The following TACR1 variants were observed in gnomAD, a reference collection of about 807,000 sequenced individuals.
TACR1 encodes the protein substance-P receptor.
TACR1 carries 25 observed loss-of-function variants against 35.8 expected under a neutral mutation model. That is an observed-to-expected ratio of 0.70 (90% CI 0.51 to 0.98). The LOEUF is 0.98. Among genes scored for constraint, TACR1 ranks in the 50% least tolerant of loss-of-function variants. The probability of loss-of-function intolerance (pLI) is 0.00; values close to 1 mark genes in which losing one functional copy is unlikely to be tolerated. For synonymous variants in TACR1, 195 were observed against 206.7 expected (o/e 0.94, Z 0.48); for missense variants, 478 against 522.9 (o/e 0.91, Z 0.84).
Position 75,094,857 on chromosome 2 carries a change from A to ATTTTTT in TACR1, c.584+25716_584+25717insAAAAAA, listed in dbSNP as rs1414426554. Among the ~76,000 whole-genome samples the ATTTTTT allele has an allele frequency of 4.4e-4, 40 of 91,130 alleles. 1 individual carries two copies. Among genetic ancestry groups the ATTTTTT allele is most frequent in the African/African-American group, 2.4e-3 (39 of 16,208 alleles). The allele number at this position is 91,130 out of a possible 152,430, so 59.8% of individuals were successfully genotyped here. A position where few individuals can be genotyped will look rare whatever the true frequency, so the allele number is the denominator to read the frequency against. On this transcript the variant is annotated intron_variant, in intron 2 of 4. Coordinates refer to ENST00000305249, the MANE Select transcript of TACR1 (RefSeq NM_001058.4). ...CAGAAACATATATATATATATATATATATTTTTTTTTTTTTTGCCCAAGAT... is the reference window on the plus strand; with the variant it reads ...CAGAAACATATATATATATATATATATTTTTTTATTTTTTTTTTTTTTGCCCAAGAT...
chr2:75,099,414 T>G (rs1167762497), intron 2 of TACR1, among the ~76,000 whole-genome samples: 1 of 152,212 alleles, frequency 6.6e-6, no homozygotes, highest in Non-Finnish European at 1.5e-5. Flanking sequence ...GAAACTCACA[T>G]TCACTGAACC....
intron 2 of TACR1, among the ~76,000 whole-genome samples, chr2:75,082,261 T>C (rs1288663784): frequency 6.6e-6 from 1 of 152,220 alleles, no homozygotes; most frequent in African/African-American, 2.4e-5. Flanking sequence ...CATCCTTTTT[T>C]ATGGCTGCAT....
At chr2:75,183,752 T>C (rs181463679) in intron 1 of TACR1, among the ~76,000 whole-genome samples, 5 of 152,354 alleles carry the variant, frequency 3.3e-5, no homozygotes, top group Admixed American at 6.5e-5. Context: ...GCCCTTAAGC[T>C]GAGGGAGTAA....
chr2:75,151,072 C>A (rs1001085551), intron 1 of TACR1, among the ~76,000 whole-genome samples: 1 of 152,148 alleles, frequency 6.6e-6, no homozygotes, highest in South Asian at 2.1e-4. Flanking sequence ...CAAGAGGTGA[C>A]TTGGATGCTG....
At chr2:75,182,048 T>G (rs571174113) in intron 1 of TACR1, among the ~76,000 whole-genome samples, 3 of 152,250 alleles carry the variant, frequency 2.0e-5, no homozygotes, top group Admixed American at 6.5e-5. Flanking sequence ...CCAGGTACTT[T>G]CTAACTTTCT....
At chr2:75,196,957 C>A (rs80333610) in intron 1 of TACR1, among the ~76,000 whole-genome samples, 2 of 152,164 alleles carry the variant, frequency 1.3e-5, no homozygotes, top group African/African-American at 4.8e-5. Context: ...ATGCTATCGA[C>A]TTTTTTAAGT....
At chr2:75,133,135 C>T (rs749301033) in intron 1 of TACR1, among the ~76,000 whole-genome samples, 32 of 152,330 alleles carry the variant, frequency 2.1e-4, no homozygotes, top group Middle Eastern at 3.4e-3. Flanking sequence ...CAAAAGCCAG[C>T]TTCACTGCTG....
At chr2:75,119,000 G>T (rs770422833) in intron 2 of TACR1, 1 of 152,138 alleles carries the variant, frequency 6.6e-6, no homozygotes, top group African/African-American at 2.4e-5. Context: ...TTGCTTGATC[G>T]ATTAAATCCC....
chr2:75,177,570 C>A (rs1675455926), intron 1 of TACR1, among the ~76,000 whole-genome samples: 1 of 152,158 alleles, frequency 6.6e-6, no homozygotes, highest in Non-Finnish European at 1.5e-5. Context: ...TCTTAATACT[C>A]ATCAGGATCT....
At chr2:75,168,964 A>C (rs901423931) in intron 1 of TACR1, among the ~76,000 whole-genome samples, 3 of 152,222 alleles carry the variant, frequency 2.0e-5, no homozygotes, top group Non-Finnish European at 4.4e-5. Context: ...AAAAATACAA[A>C]GAAATATTAG....
At chr2:75,111,292 C>A (rs995202155) in intron 2 of TACR1, among the ~76,000 whole-genome samples, 4 of 151,988 alleles carry the variant, frequency 2.6e-5, no homozygotes, top group African/African-American at 9.7e-5. Flanking sequence ...TACTCCATCC[C>A]AATTTATTTG....
intron 1 of TACR1, among the ~76,000 whole-genome samples, chr2:75,174,455 G>A (rs777752299): frequency 3.9e-5 from 6 of 152,200 alleles, no homozygotes; most frequent in African/African-American, 9.7e-5. Flanking sequence ...ACAAAGTGAT[G>A]ATTTACGTCC....
At chr2:75,051,009 A>G (rs1475054925) in intron 4 of TACR1, 1 of 544,144 alleles carries the variant, frequency 1.8e-6, no homozygotes, top group East Asian at 3.2e-5. Context: ...AAGACTTTGG[A>G]CAATAATATG....
At chr2:75,146,249 AGTAGCTGG>A (rs1180782117) in intron 1 of TACR1, among the ~76,000 whole-genome samples, 2 of 152,068 alleles carry the variant, frequency 1.3e-5, no homozygotes, top group Admixed American at 1.3e-4. Flanking sequence ...CAGCCTCTTG[AGTAGCTGG>A]GATTACAGGC....
chr2:75,113,532 C>CTTTT (rs11437762), intron 2 of TACR1, among the ~76,000 whole-genome samples: 35 of 92,076 alleles, frequency 3.8e-4, no homozygotes, highest in African/African-American at 1.5e-3. Flanking sequence ...TTTCTTCTTC[C>CTTTT]TTTTTTTTTT....
intron 2 of TACR1, among the ~76,000 whole-genome samples, chr2:75,063,539 C>T (rs1273458066): frequency 6.6e-6 from 1 of 152,228 alleles, no homozygotes; most frequent in Non-Finnish European, 1.5e-5. Context: ...CCCAGGACCA[C>T]TTATTGGATA....
At chr2:75,093,735 A>AAT (rs1491019421) in intron 2 of TACR1, among the ~76,000 whole-genome samples, 18 of 152,298 alleles carry the variant, frequency 1.2e-4, no homozygotes, top group African/African-American at 4.1e-4. Context: ...TTTATAAATA[A>AAT]GAATAATATA....
chr2:75,055,499 ATGGCAT>A (rs1245839217), intron 2 of TACR1, among the ~76,000 whole-genome samples: 2 of 152,204 alleles, frequency 1.3e-5, no homozygotes, highest in Non-Finnish European at 2.9e-5. Flanking sequence ...GGTTGCTGTA[ATGGCAT>A]TGCTTGTAAG....
intron 2 of TACR1, among the ~76,000 whole-genome samples, chr2:75,057,119 A>T (rs1414815442): frequency 6.6e-6 from 1 of 152,208 alleles, no homozygotes; most frequent in Non-Finnish European, 1.5e-5. Flanking sequence ...ATCCCCTGTG[A>T]CCTGCACGTA....
Sources: allele counts gnomAD v4.1 joint callset (sites outside exome capture counted in the v4.1 genomes callset), GRCh38; gene constraint gnomAD v4.1.1; transcripts MANE v1.5; gene names NCBI Gene and HGNC (gene_info 2026-07-23, HGNC 2026-07-21).